The following DAAM1 variants were observed in gnomAD, a reference collection of about 807,000 sequenced individuals.
The protein encoded by DAAM1 is dishevelled associated activator of morphogenesis 1, also known as disheveled-associated activator of morphogenesis 1.
Under a neutral mutation model 130.0 loss-of-function variants are expected in DAAM1, and 52 were observed. That is an observed-to-expected ratio of 0.40 (90% CI 0.32 to 0.50). DAAM1 has a LOEUF of 0.50. Ranked by LOEUF, DAAM1 falls within the 20% of genes least tolerant of loss-of-function variation. The probability of loss-of-function intolerance (pLI) is 0.61; values close to 1 mark genes in which losing one functional copy is unlikely to be tolerated. For synonymous variants in DAAM1, 452 were observed against 444.5 expected (o/e 1.02, Z -0.21); for missense variants, 1,134 against 1,303.8 (o/e 0.87, Z 2.01).
At chr14:59,316,069 C>A (rs1884781287) in intron 4 of DAAM1, among the ~76,000 whole-genome samples, 1 of 152,104 alleles carries the variant, frequency 6.6e-6, no homozygotes, top group South Asian at 2.1e-4. Context: ...AAGTCATCAA[C>A]CTTTGAGCCT....
chr14:59,290,238 T>G (rs982080799), intron 2 of DAAM1, among the ~76,000 whole-genome samples: 1 of 152,250 alleles, frequency 6.6e-6, no homozygotes, highest in Non-Finnish European at 1.5e-5. Context: ...CCATTAGTTA[T>G]TAACATTTAT....
At chr14:59,325,430 G>C (rs1240527559) in intron 8 of DAAM1, among the ~76,000 whole-genome samples, 1 of 152,168 alleles carries the variant, frequency 6.6e-6, no homozygotes, top group Non-Finnish European at 1.5e-5. Context: ...ATTGCCTACT[G>C]TATGCTAGGC....
chr14:59,200,909 C>T (rs1888077484), intron 1 of DAAM1, among the ~76,000 whole-genome samples: 1 of 152,078 alleles, frequency 6.6e-6, no homozygotes, highest in African/African-American at 2.4e-5. Context: ...CTCCTGTAGT[C>T]CCAGCACTTT....
At chr14:59,249,030 G>A (rs1286195727) in intron 1 of DAAM1, among the ~76,000 whole-genome samples, 3 of 152,130 alleles carry the variant, frequency 2.0e-5, no homozygotes, top group East Asian at 1.9e-4. Context: ...CTCGTGATCC[G>A]TCTGCCTCGG....
At chr14:59,332,483 G>GA in intron 15 of DAAM1, among the ~76,000 whole-genome samples, 1 of 152,204 alleles carries the variant, frequency 6.6e-6, no homozygotes, top group Non-Finnish European at 1.5e-5. Context: ...AGATGGTAAT[G>GA]GTGCAAATAG....
chr14:59,351,642 T>C (rs1414125989), intron 17 of DAAM1, among the ~76,000 whole-genome samples: 2 of 152,184 alleles, frequency 1.3e-5, no homozygotes, highest in African/African-American at 4.8e-5. Flanking sequence ...AACTGCCTTT[T>C]CTGAGGTCCC....
In DAAM1 at chr14:59,263,527, G is replaced by A; in HGVS notation, c.50G>A (p.Cys17Tyr). The change falls in exon 2 of 25, where the codon TGT (cysteine) becomes TAT (tyrosine). Residue 17 changes from cysteine (C) to tyrosine (Y), a missense_variant. Physicochemically the swap from Cys to Tyr is radical, Grantham distance 194 (BLOSUM62 -2). This residue lies in a region of DAAM1 where 99 missense variants were observed against 86.4 expected (regional missense o/e 1.15). Transcript: ENST00000360909. ...GGRGISFIFC[C>Y]FRNNDHPEIT... is the part of the protein sequence containing the mutation. The stretch of plus-strand genomic sequence containing the variant: ...CGAGGTATTTCATTCATCTTTTGCT[G>A]TTTCCGAAATAATGATCACCCAGAA... 6.2e-7 allele frequency: 1 copy of A among 1,614,222 alleles called. No individual in the cohort carries two copies. Among genetic ancestry groups the A allele is most frequent in the Non-Finnish European group, 8.5e-7 (1 of 1,180,040 alleles).
At chr14:59,354,033 T>G in intron 19 of DAAM1, 69 bp downstream of exon 19, 1 of 1,434,512 alleles carries the variant, frequency 7.0e-7, no homozygotes, top group South Asian at 1.3e-5. Flanking sequence ...GCAATCCAAG[T>G]GCATATAGTA....
At chr14:59,349,673 G>T (rs534225985) in intron 17 of DAAM1, among the ~76,000 whole-genome samples, 1 of 152,206 alleles carries the variant, frequency 6.6e-6, no homozygotes, top group African/African-American at 2.4e-5. Flanking sequence ...TCTGATCTCA[G>T]ATGAGAGAGA....
intron 1 of DAAM1, among the ~76,000 whole-genome samples, chr14:59,237,958 C>T (rs1250994785): frequency 6.6e-6 from 1 of 152,214 alleles, no homozygotes; most frequent in Non-Finnish European, 1.5e-5. Flanking sequence ...TTTGCTCCCT[C>T]AGATCTTTCC....
At position 59,331,528 on chromosome 14, in the gene DAAM1, T is replaced by C; in HGVS notation, c.1860+20T>C. On this transcript the variant is annotated intron_variant, in intron 14 of 24. Coordinates refer to ENST00000360909, the MANE Select transcript of DAAM1 (RefSeq NM_001270520.2). ...CCCGAGGTGAGCCATTTGTTCCAGTTTTCCCTTTAATGGATAGCATTAGCA... is the reference window on the plus strand; with the variant it reads ...CCCGAGGTGAGCCATTTGTTCCAGTCTTCCCTTTAATGGATAGCATTAGCA... The C allele has an allele frequency of 6.4e-7, 1 of 1,562,300 alleles. No individual in the cohort carries two copies. The highest frequency in any genetic ancestry group is 8.7e-7 in the Non-Finnish European group (1 of 1,152,630).
intron 2 of DAAM1, 109 bp downstream of exon 2, chr14:59,263,769 A>G: frequency 7.3e-7 from 1 of 1,369,246 alleles, no homozygotes; most frequent in Non-Finnish European, 1.0e-6. Flanking sequence ...TTTTCAGTGA[A>G]ATGGCCCCCA....
At chr14:59,263,732 T>G (rs1253831104) in intron 2 of DAAM1, 72 bp downstream of exon 2, 2 of 1,591,480 alleles carry the variant, frequency 1.3e-6, no homozygotes, top group Admixed American at 3.4e-5. Flanking sequence ...TGTGAATGAG[T>G]TGGTTTGGTT....
At chr14:59,358,347 C>A (rs1445673152) in intron 20 of DAAM1, among the ~76,000 whole-genome samples, 1 of 152,176 alleles carries the variant, frequency 6.6e-6, no homozygotes, top group Non-Finnish European at 1.5e-5. Context: ...AGCCCTGTCA[C>A]CACCAGAGAG....
At chr14:59,303,839 G>T (rs1023699013) in intron 3 of DAAM1, among the ~76,000 whole-genome samples, 1 of 152,176 alleles carries the variant, frequency 6.6e-6, no homozygotes, top group Non-Finnish European at 1.5e-5. Context: ...GGCGGAGGTT[G>T]CAGTGAGCCA....
intron 17 of DAAM1, among the ~76,000 whole-genome samples, chr14:59,348,059 C>G (rs1189162318): frequency 2.0e-5 from 3 of 152,292 alleles, no homozygotes; most frequent in East Asian, 1.9e-4. Flanking sequence ...ATGAAAATGA[C>G]CTTTAAACCC....
At chr14:59,353,022 G>A (rs147984598) in intron 18 of DAAM1, among the ~76,000 whole-genome samples, 3 of 151,644 alleles carry the variant, frequency 2.0e-5, no homozygotes, top group Non-Finnish European at 4.4e-5. Flanking sequence ...AAAATATATG[G>A]ACAGACTCTG....
At chr14:59,303,648 G>A (rs34183850) in intron 3 of DAAM1, among the ~76,000 whole-genome samples, 35,051 of 152,082 alleles carry the variant, frequency 0.23, 4,225 homozygotes, top group East Asian at 0.32. Flanking sequence ...TGTAATCCCC[G>A]CACTTTGGGG....
chr14:59,254,985 G>A (rs778100684), intron 1 of DAAM1, among the ~76,000 whole-genome samples: 22 of 152,188 alleles, frequency 1.4e-4, no homozygotes, highest in Non-Finnish European at 2.6e-4. Context: ...CTTATCTAGG[G>A]AGAAAGTGGG....
Sources: allele counts gnomAD v4.1 joint callset (sites outside exome capture counted in the v4.1 genomes callset), GRCh38; gene constraint gnomAD v4.1.1; regional missense constraint gnomAD v4.1.1; transcripts MANE v1.5; gene names NCBI Gene and HGNC (gene_info 2026-07-23, HGNC 2026-07-21).